The following SH3GL2 variants were observed in gnomAD, a reference collection of about 807,000 sequenced individuals.
SH3GL2 encodes endophilin-A1.
A neutral mutation model predicts 46.0 loss-of-function variants in SH3GL2; 24 were observed. That is an observed-to-expected ratio of 0.52 (90% CI 0.38 to 0.73). SH3GL2 has a LOEUF of 0.73. SH3GL2 is among the 30% of genes least tolerant of loss of function. SH3GL2 has a pLI of 0.00. For synonymous variants in SH3GL2, 196 were observed against 147.1 expected (o/e 1.33, Z -2.40); for missense variants, 413 against 424.2 (o/e 0.97, Z 0.23).
intron 1 of SH3GL2, among the ~76,000 whole-genome samples, chr9:17,675,900 G>A (rs543892332): frequency 3.3e-4 from 51 of 152,244 alleles, no homozygotes; most frequent in Non-Finnish European, 5.6e-4. Flanking sequence ...AGCTGAGATC[G>A]CGCCACTGCA....
Position 17,796,835 on chromosome 9 carries a change from T to A in SH3GL2, c.*1092T>A, listed in dbSNP as rs1824284594. On this transcript the variant is annotated 3_prime_UTR_variant, in exon 9 of 9. Transcript: ENST00000380607. ...CAAAACTCTTTCCCAATTCAGTCGC[T>A]ACTTTTACTTCTGCCCTTTCTATCC... The A allele has an allele frequency of 6.5e-6, 1 of 152,710 alleles. No individual in the cohort carries two copies. The highest frequency in any genetic ancestry group is 2.1e-4 in the South Asian group (1 of 4,838). The allele number at this position is 152,710 out of a possible 1,614,324, so 9.5% of individuals were successfully genotyped here.
intron 1 of SH3GL2, among the ~76,000 whole-genome samples, chr9:17,680,275 G>T (rs1024436833): frequency 3.2e-4 from 49 of 152,014 alleles, no homozygotes; most frequent in African/African-American, 1.2e-3. Flanking sequence ...TTTTTTGGTT[G>T]GCAAGCTATT....
At chr9:17,736,319 C>A (rs946144494) in intron 1 of SH3GL2, among the ~76,000 whole-genome samples, 2 of 152,074 alleles carry the variant, frequency 1.3e-5, no homozygotes, top group African/African-American at 4.8e-5. Flanking sequence ...AGGAATCCAT[C>A]TTTCTGAGTT....
chr9:17,768,955 G>A (rs929692187), intron 3 of SH3GL2, among the ~76,000 whole-genome samples: 1 of 152,198 alleles, frequency 6.6e-6, no homozygotes, highest in South Asian at 2.1e-4. Context: ...GTTCCTGGCT[G>A]TCTCCATCTC....
intron 1 of SH3GL2, among the ~76,000 whole-genome samples, chr9:17,615,845 A>C (rs1818981890): frequency 1.3e-5 from 2 of 152,150 alleles, no homozygotes; most frequent in African/African-American, 4.8e-5. Context: ...GTCAAAAACT[A>C]CTGTAATCAT....
At chr9:17,611,535 T>A (rs1014837027) in intron 1 of SH3GL2, among the ~76,000 whole-genome samples, 1 of 152,214 alleles carries the variant, frequency 6.6e-6, no homozygotes, top group Non-Finnish European at 1.5e-5. Flanking sequence ...GTTTGAGATG[T>A]GTGTGACCTG....
intron 1 of SH3GL2, among the ~76,000 whole-genome samples, chr9:17,664,160 T>C (rs1339581482): frequency 6.6e-6 from 1 of 152,188 alleles, no homozygotes; most frequent in Non-Finnish European, 1.5e-5. Context: ...AAGAAATAGT[T>C]GGAGTGCTAT....
At chr9:17,593,089 T>G (rs966444498) in intron 1 of SH3GL2, among the ~76,000 whole-genome samples, 2 of 152,202 alleles carry the variant, frequency 1.3e-5, no homozygotes, top group African/African-American at 4.8e-5. Context: ...AGGCTGCTTC[T>G]CCCATACCTC....
chr9:17,584,677 G>A (rs1035433408), intron 1 of SH3GL2, among the ~76,000 whole-genome samples: 2 of 152,160 alleles, frequency 1.3e-5, no homozygotes, highest in African/African-American at 4.8e-5. Flanking sequence ...TGTCAGGATT[G>A]AATGAGGTAA....
chr9:17,772,446 ACT>A (rs1390418163), intron 3 of SH3GL2, among the ~76,000 whole-genome samples: 1 of 151,942 alleles, frequency 6.6e-6, no homozygotes, highest in Non-Finnish European at 1.5e-5. Flanking sequence ...CATCTCCATA[ACT>A]CTTTTTGTCT....
At chr9:17,773,262 C>T (rs954276434) in intron 3 of SH3GL2, among the ~76,000 whole-genome samples, 33 of 152,062 alleles carry the variant, frequency 2.2e-4, no homozygotes, top group Non-Finnish European at 7.4e-5. Flanking sequence ...CTGTGGGTTG[C>T]CTTTTTACTC....
intron 1 of SH3GL2, among the ~76,000 whole-genome samples, chr9:17,631,617 G>A (rs1819427899): frequency 6.6e-6 from 1 of 152,192 alleles, no homozygotes; most frequent in Non-Finnish European, 1.5e-5. Flanking sequence ...TGGTGAGTCA[G>A]TGCTTTGAAG....
chr9:17,682,781 A>G (rs1293243947), intron 1 of SH3GL2, among the ~76,000 whole-genome samples: 2 of 152,088 alleles, frequency 1.3e-5, no homozygotes, highest in Non-Finnish European at 2.9e-5. Context: ...AAGAGGTAGC[A>G]TTTTAACTAG....
chr9:17,581,115 G>C (rs1437932162), intron 1 of SH3GL2, among the ~76,000 whole-genome samples: 7 of 152,178 alleles, frequency 4.6e-5, no homozygotes, highest in Non-Finnish European at 5.9e-5. Context: ...TGACATAAAG[G>C]ATATTTTTAT....
chr9:17,740,245 C>T lies in SH3GL2; in HGVS notation c.46-6821C>T, dbSNP rs545805506. Among the ~76,000 whole-genome samples, 5 of 151,938 alleles carry T rather than the reference C, an allele frequency of 3.3e-5. No homozygotes were observed. In the South Asian group the frequency reaches 1.0e-3, roughly 32 times the overall value. On this transcript the variant is annotated intron_variant, in intron 1 of 8. Transcript: ENST00000380607. Reference sequence around the variant, plus strand: ...AAATAAATATATATTTTTTGAAATCCATTTTCAAAACATCATGGCATTTAA... The same window carrying T: ...AAATAAATATATATTTTTTGAAATCTATTTTCAAAACATCATGGCATTTAA...
At chr9:17,609,429 A>G (rs1289590251) in intron 1 of SH3GL2, among the ~76,000 whole-genome samples, 2 of 152,100 alleles carry the variant, frequency 1.3e-5, no homozygotes, top group Non-Finnish European at 1.5e-5. Context: ...TGCAAATCAT[A>G]TGCGTGCGTA....
At chr9:17,586,008 A>T (rs1818370943) in intron 1 of SH3GL2, among the ~76,000 whole-genome samples, 1 of 152,232 alleles carries the variant, frequency 6.6e-6, no homozygotes, top group Non-Finnish European at 1.5e-5. Flanking sequence ...AATAAAGACT[A>T]AAGAGAGCTA....
chr9:17,641,650 C>G (rs927970150), intron 1 of SH3GL2, among the ~76,000 whole-genome samples: 1 of 152,102 alleles, frequency 6.6e-6, no homozygotes, highest in African/African-American at 2.4e-5. Context: ...TCCATGTGTT[C>G]TCATTGTTCA....
At chr9:17,612,460 G>T (rs1216289372) in intron 1 of SH3GL2, among the ~76,000 whole-genome samples, 2 of 152,110 alleles carry the variant, frequency 1.3e-5, no homozygotes, top group East Asian at 3.9e-4. Context: ...CTTAATCAAG[G>T]TTGTCAGGTG....
Sources: gnomAD v4.1 joint callset for allele counts (sites outside exome capture counted in the v4.1 genomes callset) on GRCh38, gnomAD v4.1.1 for gene constraint, MANE v1.5 for transcripts, NCBI Gene and HGNC (gene_info 2026-07-23, HGNC 2026-07-21) for gene names.